Variants in GALNT18 observed in about 807,000 individuals in gnomAD.
GALNT18 encodes polypeptide N-acetylgalactosaminyltransferase 18.
In GALNT18, 44 loss-of-function variants were observed where a neutral mutation model predicts 69.5. The ratio of observed to expected loss-of-function variants is 0.63; its 90% CI spans 0.50 to 0.81. The LOEUF (loss-of-function observed/expected upper bound fraction) is 0.81. Among genes scored for constraint, GALNT18 ranks in the 40% least tolerant of loss-of-function variants. The pLI, the probability that GALNT18 is intolerant of heterozygous loss-of-function variation, is 0.00. For missense variants in GALNT18, 715 were observed against 810.0 expected (o/e 0.88, Z 1.42); for synonymous variants, 364 against 318.2 (o/e 1.14, Z -1.53).
chr11:11,486,789 C>G (rs1017680885), intron 1 of GALNT18, among the ~76,000 whole-genome samples: 2 of 152,222 alleles, frequency 1.3e-5, no homozygotes, highest in South Asian at 4.1e-4. Context: ...CCCGGGATGG[C>G]TTTGTCCAAG....
chr11:11,545,861 G>T (rs1029947961), intron 1 of GALNT18, among the ~76,000 whole-genome samples: 1 of 152,178 alleles, frequency 6.6e-6, no homozygotes, highest in African/African-American at 2.4e-5. Context: ...GATCCCAGGG[G>T]GGATGTGGTC....
At position 11,415,990 on chromosome 11, in the gene GALNT18, C is replaced by T. The variant is rs954626952; in HGVS notation, c.595+16631G>A. ...TCGGAGAAAATAAAATCACTTCAGC[C>T]TCATGCTTGAGCAGCCCTGGTCAGG... On this transcript the variant is annotated intron_variant, in intron 3 of 10. Coordinates refer to ENST00000227756, the MANE Select transcript of GALNT18 (RefSeq NM_198516.3). This position sits in a 1 kb window ranked among gnomAD's most constrained non-coding sequence, Gnocchi z 4.1. Among the ~76,000 whole-genome samples, 3 of 152,216 alleles carry T rather than the reference C, an allele frequency of 2.0e-5. No individual in the cohort carries two copies. The highest frequency in any genetic ancestry group is 4.8e-5 in the African/African-American group (2 of 41,444).
intron 6 of GALNT18, among the ~76,000 whole-genome samples, chr11:11,358,859 A>ACACACACACACACACACACACACACG: frequency 7.7e-6 from 1 of 130,112 alleles, no homozygotes; most frequent in African/African-American, 3.0e-5. Flanking sequence ...ACACACACAC[A>ACACACACACACACACACACACACACG]CACGCACAGA....
chr11:11,442,564 T>TA (rs1324328300), intron 2 of GALNT18, among the ~76,000 whole-genome samples: 1 of 152,136 alleles, frequency 6.6e-6, no homozygotes, highest in Admixed American at 6.5e-5. Context: ...AAATGGTCCC[T>TA]AACCTGCTCC....
chr11:11,539,027 G>A (rs564902377), intron 1 of GALNT18, among the ~76,000 whole-genome samples: 2 of 152,266 alleles, frequency 1.3e-5, no homozygotes, highest in Non-Finnish European at 2.9e-5. Flanking sequence ...GACATCTTTG[G>A]GCTAGAGGAG....
chr11:11,602,495 G>C lies in GALNT18; in HGVS notation c.235+18864C>G, dbSNP rs147965969. On this transcript the variant is annotated intron_variant, in intron 1 of 10. Transcript: ENST00000227756. This position sits in a 1 kb window ranked among gnomAD's most constrained non-coding sequence, Gnocchi z 4.7. ...TTCTTGTCCATATCTGTCCAGAGGA[G>C]AGCTTCTGTTTTATTGAGCTGGAAT... is the stretch of plus-strand genomic sequence containing the variant. 7.9e-4 allele frequency among the ~76,000 whole-genome samples: 121 copies of C among 152,308 alleles called. No individual in the cohort carries two copies. Among genetic ancestry groups the C allele is most frequent in the Non-Finnish European group, 1.1e-3 (75 of 68,032 alleles).
At chr11:11,453,884 A>G (rs1855865341) in intron 1 of GALNT18, among the ~76,000 whole-genome samples, 1 of 152,218 alleles carries the variant, frequency 6.6e-6, no homozygotes, top group Non-Finnish European at 1.5e-5. Flanking sequence ...CTTTCTTAGC[A>G]GCATGAGAAC....
chr11:11,517,521 A>G (rs192752804), intron 1 of GALNT18, among the ~76,000 whole-genome samples: 1 of 152,358 alleles, frequency 6.6e-6, no homozygotes, highest in Non-Finnish European at 1.5e-5. Context: ...ATTGAAATGC[A>G]TATTTGTGGT....
chr11:11,552,628 A>G (rs1254648998), intron 1 of GALNT18, among the ~76,000 whole-genome samples: 2 of 152,200 alleles, frequency 1.3e-5, no homozygotes, highest in African/African-American at 4.8e-5. Context: ...TTTCAGGGTC[A>G]GCCTAGAGCC....
rs1265729411 is a variant in GALNT18 at position 11,603,159 on chromosome 11, T to C, written c.235+18200A>G. Among the ~76,000 whole-genome samples the C allele has an allele frequency of 6.6e-6, 1 of 152,190 alleles. No individual in the cohort carries two copies. The highest frequency in any genetic ancestry group is 6.5e-5 in the Admixed American group (1 of 15,280). On this transcript the variant is annotated intron_variant, in intron 1 of 10. Coordinates refer to ENST00000227756, the MANE Select transcript of GALNT18 (RefSeq NM_198516.3). This position sits in a 1 kb window ranked among gnomAD's most constrained non-coding sequence, Gnocchi z 4.5. Reference sequence around the variant, plus strand: ...GTGTTTGGTGCTTCTCCCAAGACAATTTATTTCTAATGAGAATTCAACATG... The same window carrying C: ...GTGTTTGGTGCTTCTCCCAAGACAACTTATTTCTAATGAGAATTCAACATG...
chr11:11,588,302 T>TC (rs1163678758), intron 1 of GALNT18, among the ~76,000 whole-genome samples: 1 of 152,072 alleles, frequency 6.6e-6, no homozygotes, highest in African/African-American at 2.4e-5. Flanking sequence ...GAACTACATC[T>TC]CCCCCTTTGC....
chr11:11,468,829 G>A (rs746241172), intron 1 of GALNT18, among the ~76,000 whole-genome samples: 2 of 152,200 alleles, frequency 1.3e-5, no homozygotes, highest in African/African-American at 2.4e-5. Context: ...TGCTGGTGCT[G>A]GAGAAAATGT....
chr11:11,376,406 A>G (rs1853762291), intron 5 of GALNT18, among the ~76,000 whole-genome samples: 1 of 152,208 alleles, frequency 6.6e-6, no homozygotes, highest in South Asian at 2.1e-4. Context: ...ACACAGACAG[A>G]AATAAAAACT....
intron 1 of GALNT18, among the ~76,000 whole-genome samples, chr11:11,509,140 A>G (rs1857123360): frequency 6.6e-6 from 1 of 151,590 alleles, no homozygotes; most frequent in Admixed American, 6.6e-5. Context: ...CTCATCTTTC[A>G]CAAGTGTTTG....
chr11:11,381,466 A>G (rs769234702), intron 3 of GALNT18, among the ~76,000 whole-genome samples: 1 of 152,134 alleles, frequency 6.6e-6, no homozygotes, highest in Non-Finnish European at 1.5e-5. Flanking sequence ...ACCTACCATG[A>G]CTAAGGTATT....
rs571605448 is a variant in GALNT18, at chr11:11,537,306, TA to T, written c.235+84052del. Among the ~76,000 whole-genome samples the T allele has an allele frequency of 7.9e-5, 12 of 152,146 alleles. No individual in the cohort carries two copies. In the South Asian group the frequency reaches 1.7e-3, roughly 21 times the overall value. On this transcript the variant is annotated intron_variant, in intron 1 of 10. Transcript: ENST00000227756. The stretch of plus-strand genomic sequence containing the variant: ...CCTAGGAATCTGTTCAATATACAAA[TA>T]AAGATAAATATATTGCTTTACCTTT...
Position 11,605,320 on chromosome 11 carries a change from A to C in GALNT18, c.235+16039T>G, listed in dbSNP as rs2133952324. On this transcript the variant is annotated intron_variant, in intron 1 of 10. Coordinates refer to ENST00000227756, the MANE Select transcript of GALNT18 (RefSeq NM_198516.3). The surrounding 1 kb of genome is among the most constrained non-coding windows in gnomAD (Gnocchi z 4.7). ...ATCTCCTCAAGGGATTTCCACAGGCAAGCAAGAAACACCCTCTTCTGATCT... is the reference window on the plus strand; with the variant it reads ...ATCTCCTCAAGGGATTTCCACAGGCCAGCAAGAAACACCCTCTTCTGATCT... Among the ~76,000 whole-genome samples, 1 of 152,238 alleles carries C rather than the reference A, an allele frequency of 6.6e-6. No homozygotes were observed. Among genetic ancestry groups the C allele is most frequent in the Non-Finnish European group, 1.5e-5 (1 of 68,004 alleles).
intron 10 of GALNT18, among the ~76,000 whole-genome samples, chr11:11,289,250 T>C (rs1332555141): frequency 6.6e-6 from 1 of 151,010 alleles, no homozygotes; most frequent in Admixed American, 6.6e-5. Flanking sequence ...ATATATTAAT[T>C]ATTAAATAGC....
rs770265461 is a variant in GALNT18, at chr11:11,318,404, G to A, written c.1512+8682C>T. 5.3e-5 allele frequency among the ~76,000 whole-genome samples: 8 copies of A among 152,114 alleles called. No individual in the cohort carries two copies. Among genetic ancestry groups the A allele is most frequent in the Non-Finnish European group, 1.0e-4 (7 of 68,020 alleles). ...AAAAAGGGGCAATTTGGACACAGAC[G>A]CACATACTGATAATGCCATGTGAAG... On this transcript the variant is annotated intron_variant, in intron 9 of 10. Transcript: ENST00000227756. The surrounding 1 kb of genome is among the most constrained non-coding windows in gnomAD (Gnocchi z 5.1).
Sources: gnomAD v4.1 joint callset for allele counts (sites outside exome capture counted in the v4.1 genomes callset) on GRCh38, gnomAD v4.1.1 for gene constraint, Gnocchi (gnomAD v3.1) non-coding constraint, MANE v1.5 for transcripts, NCBI Gene and HGNC (gene_info 2026-07-23, HGNC 2026-07-21) for gene names.